The following SERINC5 variants were observed in gnomAD, a reference collection of about 807,000 sequenced individuals.
The protein encoded by SERINC5 is serine incorporator 5.
In SERINC5, 41 loss-of-function variants were observed where a neutral mutation model predicts 63.1. The ratio of observed to expected loss-of-function variants is 0.65; its 90% confidence interval spans 0.51 to 0.84. The LOEUF (loss-of-function observed/expected upper bound fraction) is 0.84. SERINC5 is among the 40% of genes least tolerant of loss of function. The pLI is 0.00. For synonymous variants in SERINC5, 222 were observed against 215.2 expected, an observed-to-expected ratio of 1.03 and a Z score of -0.28; for missense variants, 523 against 573.0, an observed-to-expected ratio of 0.91 and a Z score of 0.89.
chr5:80,135,529 G>A (rs1296661880), downstream of SERINC5, among the ~76,000 whole-genome samples: 1 of 152,148 alleles, frequency 6.6e-6, no homozygotes, highest in South Asian at 2.1e-4. Flanking sequence ...AACTACAATA[G>A]AGAATCCCTT....
At chr5:80,234,733 T>C (rs967556694) in intron 1 of SERINC5, among the ~76,000 whole-genome samples, 1 of 152,178 alleles carries the variant, frequency 6.6e-6, no homozygotes, top group African/African-American at 2.4e-5. Context: ...AGGATATCTT[T>C]AAAACTCTCA....
chr5:80,171,450 G>A (rs1223109039), intron 5 of SERINC5, among the ~76,000 whole-genome samples: 1 of 152,134 alleles, frequency 6.6e-6, no homozygotes, highest in African/African-American at 2.4e-5. Flanking sequence ...TTTATTCCCT[G>A]TACTGAAGAG....
intron 2 of SERINC5, among the ~76,000 whole-genome samples, chr5:80,192,098 C>T (rs566135424): frequency 1.3e-5 from 2 of 152,168 alleles, no homozygotes; most frequent in Non-Finnish European, 2.9e-5. Context: ...ACTACAAAGG[C>T]GAGAGCTGCT....
chr5:80,150,968 G>A lies in SERINC5; in HGVS notation c.987-20C>T, dbSNP rs189851656. The A allele has an allele frequency of 4.4e-5, 70 of 1,598,186 alleles. No individual in the cohort carries two copies. Among genetic ancestry groups the A allele is most frequent in the African/African-American group, 4.0e-4 (30 of 74,756 alleles). ...GTCAAACTAAGAAACAGACAAAAAC[G>A]TCAGCTGGGCATATTAACACATTAC... is the stretch of plus-strand genomic sequence containing the variant. On this transcript the variant is annotated intron_variant, in intron 8 of 11. Coordinates refer to ENST00000507668, the MANE Select transcript of SERINC5 (RefSeq NM_001174072.3).
intron 11 of SERINC5, among the ~76,000 whole-genome samples, chr5:80,133,092 C>T (rs1232503153): frequency 2.6e-5 from 4 of 152,140 alleles, no homozygotes; most frequent in Non-Finnish European, 4.4e-5. Flanking sequence ...TTGTGTGTGG[C>T]ACCTCTCCCT....
chr5:80,168,617 T>C lies in SERINC5; in HGVS notation c.763+718A>G, dbSNP rs151013144. 4.7e-3 allele frequency among the ~76,000 whole-genome samples: 714 copies of C among 152,232 alleles called. 5 individuals are homozygous for C. Among genetic ancestry groups the C allele is most frequent in the African/African-American group, 0.016 (683 of 41,536 alleles). On this transcript the variant is annotated intron_variant, in intron 6 of 11. Transcript: ENST00000507668. Reference sequence around the variant, plus strand: ...ATGTGCATTTTCATCACCTATAGGGTCCGACACCCACAAAAAAAATCAGAC... The same window carrying C: ...ATGTGCATTTTCATCACCTATAGGGCCCGACACCCACAAAAAAAATCAGAC...
At chr5:80,155,715 CAT>C (rs1161239795) in intron 8 of SERINC5, among the ~76,000 whole-genome samples, 1 of 151,952 alleles carries the variant, frequency 6.6e-6, no homozygotes, top group East Asian at 1.9e-4. Flanking sequence ...GCCTGGGTAA[CAT>C]AGTGAGAACT....
At position 80,206,482 on chromosome 5, in the gene SERINC5, C is replaced by T. The variant is rs377725006; in HGVS notation, c.28-3429G>A. ...TAACCAACTCTCTCCATCTTACGTC[C>T]GATTTTCCAAGCCAGCTTCCTCCAG... is the stretch of plus-strand genomic sequence containing the variant. On this transcript the variant is annotated intron_variant, in intron 1 of 11. Coordinates refer to ENST00000507668, the MANE Select transcript of SERINC5 (RefSeq NM_001174072.3). Among the ~76,000 whole-genome samples, 23 of 152,240 alleles carry T rather than the reference C, an allele frequency of 1.5e-4. No individual in the cohort carries two copies. The East Asian group carries it at 1.9e-3, about 13-fold the overall frequency.
chr5:80,114,028 C>T (rs1371467460), intron 11 of SERINC5, among the ~76,000 whole-genome samples: 3 of 152,022 alleles, frequency 2.0e-5, no homozygotes, highest in Admixed American at 6.6e-5. Context: ...GGATCCTTCC[C>T]TCAATTAACA....
intron 4 of SERINC5, among the ~76,000 whole-genome samples, chr5:80,177,094 C>T (rs573669999): frequency 2.0e-5 from 3 of 152,218 alleles, no homozygotes; most frequent in East Asian, 3.9e-4. Context: ...GTATCAGAGT[C>T]CTCTTACACC....
intron 1 of SERINC5, among the ~76,000 whole-genome samples, chr5:80,223,736 T>C (rs146294603): frequency 2.8e-4 from 42 of 152,296 alleles, no homozygotes; most frequent in African/African-American, 8.7e-4. Context: ...ATTCCTGAGC[T>C]TGGCAGGGTG....
At chr5:80,118,776 TG>T (rs1744433720) in intron 11 of SERINC5, among the ~76,000 whole-genome samples, 1 of 142,970 alleles carries the variant, frequency 7.0e-6, no homozygotes, top group African/African-American at 2.7e-5. Context: ...GCTGCCAGGC[TG>T]GTCTCGCACT....
At chr5:80,151,071 T>G in intron 8 of SERINC5, 123 bp from the exon 9 acceptor site, 1 of 740,356 alleles carries the variant, frequency 1.4e-6, no homozygotes, top group Non-Finnish European at 2.4e-6. Context: ...TTCAGGAGAC[T>G]TAAATCAAAG....
chr5:80,255,251 A>G (rs892894811), intron 1 of SERINC5: 1 of 152,432 alleles, frequency 6.6e-6, no homozygotes, highest in Non-Finnish European at 1.5e-5. Flanking sequence ...TTATTTGCAA[A>G]GAGAGGCAGG....
chr5:80,139,453 TA>T lies in SERINC5; in HGVS notation c.*4209del. 2 of 985,332 alleles carry T rather than the reference TA, an allele frequency of 2.0e-6. No individual in the cohort carries two copies. Among genetic ancestry groups the T allele is most frequent in the Non-Finnish European group, 2.4e-6 (2 of 829,878 alleles). 61.0% of individuals were successfully genotyped at this position (985,332 alleles called of 1,614,324 possible). ...ACTCCTATAGAAGTGGATTGGGACATATGCATTCTTAATCTGCCCTTCCCCA... is the reference window on the plus strand; with the variant it reads ...ACTCCTATAGAAGTGGATTGGGACATTGCATTCTTAATCTGCCCTTCCCCA... On this transcript the variant is annotated 3_prime_UTR_variant, in exon 12 of 12. Coordinates refer to ENST00000507668, the MANE Select transcript of SERINC5 (RefSeq NM_001174072.3).
chr5:80,228,623 T>G (rs1232305733), intron 1 of SERINC5, among the ~76,000 whole-genome samples: 1 of 152,052 alleles, frequency 6.6e-6, no homozygotes, highest in Admixed American at 6.6e-5. Context: ...GCCCTGCTAG[T>G]TTTTTTATTT....
At chr5:80,254,351 G>T (rs948901645) in intron 1 of SERINC5, among the ~76,000 whole-genome samples, 4 of 152,212 alleles carry the variant, frequency 2.6e-5, no homozygotes, top group Non-Finnish European at 5.9e-5. Context: ...GGTTAACTTT[G>T]ATTTGGTTCT....
intron 8 of SERINC5, among the ~76,000 whole-genome samples, chr5:80,154,690 C>T (rs142379499): frequency 9.2e-5 from 14 of 152,222 alleles, no homozygotes; most frequent in African/African-American, 2.9e-4. Context: ...CTCGGCAATG[C>T]TATCACACCA....
At chr5:80,152,152 A>C (rs1275303052) in intron 8 of SERINC5, among the ~76,000 whole-genome samples, 1 of 152,232 alleles carries the variant, frequency 6.6e-6, no homozygotes, top group Non-Finnish European at 1.5e-5. Flanking sequence ...AGAGGAAGAC[A>C]GAAACATCTC....
Sources: gnomAD v4.1 joint callset for allele counts (sites outside exome capture counted in the v4.1 genomes callset) on GRCh38, gnomAD v4.1.1 for gene constraint, MANE v1.5 for transcripts, NCBI Gene and HGNC (gene_info 2026-07-23, HGNC 2026-07-21) for gene names.